TTC29: variants seen among roughly 807,000 people sequenced by gnomAD.
TTC29 encodes tetratricopeptide repeat protein 29.
TTC29 carries 49 observed loss-of-function variants against 58.1 expected under a neutral mutation model. That is an observed-to-expected ratio of 0.84 (90% confidence interval 0.67 to 1.07). The LOEUF (loss-of-function observed/expected upper bound fraction) is 1.07. TTC29 is among the 50% of genes least tolerant of loss of function. TTC29 has a pLI of 0.00. For synonymous variants in TTC29, 209 were observed against 196.8 expected (o/e 1.06, Z -0.52); for missense variants, 582 against 555.6 (o/e 1.05, Z -0.48).
At chr4:146,850,645 A>C (rs1235975941) in intron 8 of TTC29, among the ~76,000 whole-genome samples, 1 of 152,182 alleles carries the variant, frequency 6.6e-6, no homozygotes, top group Non-Finnish European at 1.5e-5. Flanking sequence ...GTATTTTCAA[A>C]ACCCATTTTG....
At chr4:146,921,135 C>A (rs1734551139) in intron 4 of TTC29, among the ~76,000 whole-genome samples, 1 of 151,340 alleles carries the variant, frequency 6.6e-6, no homozygotes, top group African/African-American at 2.4e-5. Context: ...AACAGTGAAG[C>A]CAGGAGTTTT....
At chr4:146,930,084 CATATAT>C (rs70958534) in intron 4 of TTC29, among the ~76,000 whole-genome samples, 1,112 of 77,424 alleles carry the variant, frequency 0.014, 35 homozygotes, top group African/African-American at 0.042. Flanking sequence ...TGTGTGTGTG[CATATAT>C]ATATATATAT....
intron 11 of TTC29, among the ~76,000 whole-genome samples, chr4:146,710,231 A>G (rs781657423): frequency 6.6e-6 from 1 of 152,158 alleles, no homozygotes; most frequent in Admixed American, 6.5e-5. Flanking sequence ...AGGCTATTAT[A>G]TACTATAGCG....
At chr4:146,842,406 G>T (rs142041589) in intron 8 of TTC29, among the ~76,000 whole-genome samples, 12 of 152,130 alleles carry the variant, frequency 7.9e-5, no homozygotes, top group African/African-American at 2.6e-4. Context: ...AATAGTGAAA[G>T]GTGGCTGTTT....
intron 11 of TTC29, among the ~76,000 whole-genome samples, chr4:146,792,749 T>C (rs2150104978): frequency 6.6e-6 from 1 of 152,344 alleles, no homozygotes; most frequent in African/African-American, 2.4e-5. Flanking sequence ...ATTCTTCTGA[T>C]GGATCTGGTA....
chr4:146,737,401 G>A (rs1316712032), intron 11 of TTC29, among the ~76,000 whole-genome samples: 2 of 152,116 alleles, frequency 1.3e-5, no homozygotes, highest in South Asian at 2.1e-4. Context: ...GGATATGGGG[G>A]CACTGCAGCA....
At chr4:146,855,732 C>A (rs975260710) in intron 8 of TTC29, among the ~76,000 whole-genome samples, 20 of 152,130 alleles carry the variant, frequency 1.3e-4, no homozygotes, top group African/African-American at 4.6e-4. Context: ...ACTAAAGACA[C>A]CTTTGAGAAT....
At chr4:146,910,918 G>A (rs1733854693) in intron 4 of TTC29, among the ~76,000 whole-genome samples, 1 of 152,152 alleles carries the variant, frequency 6.6e-6, no homozygotes, top group Non-Finnish European at 1.5e-5. Flanking sequence ...TATGGAGAAA[G>A]GCAGTGAGAT....
At chr4:146,920,931 A>G (rs936284406) in intron 4 of TTC29, among the ~76,000 whole-genome samples, 7 of 151,258 alleles carry the variant, frequency 4.6e-5, no homozygotes, top group African/African-American at 1.7e-4. Flanking sequence ...TTAAGTTTCT[A>G]TTATAGAAAT....
intron 11 of TTC29, among the ~76,000 whole-genome samples, chr4:146,801,722 A>G (rs1011252449): frequency 6.6e-6 from 1 of 152,116 alleles, no homozygotes; most frequent in Non-Finnish European, 1.5e-5. Context: ...CACGCCTGTA[A>G]TCCCAGCAGT....
chr4:146,755,685 T>G (rs1046274747), intron 11 of TTC29, among the ~76,000 whole-genome samples: 1 of 150,746 alleles, frequency 6.6e-6, no homozygotes, highest in Non-Finnish European at 1.5e-5. Flanking sequence ...TGATAGTAAC[T>G]TTTTTTAACT....
At chr4:146,865,487 A>G (rs960304469) in intron 8 of TTC29, among the ~76,000 whole-genome samples, 3 of 152,284 alleles carry the variant, frequency 2.0e-5, no homozygotes, top group Non-Finnish European at 4.4e-5. Context: ...TTGGGTACTC[A>G]TGGACATAAA....
intron 4 of TTC29, among the ~76,000 whole-genome samples, chr4:146,913,229 A>T (rs571816695): frequency 2.6e-4 from 40 of 152,280 alleles, no homozygotes; most frequent in African/African-American, 9.1e-4. Flanking sequence ...AATGAAGAAA[A>T]TTATAAATAG....
chr4:146,813,124 T>C (rs1196547720), intron 10 of TTC29: 1 of 152,264 alleles, frequency 6.6e-6, no homozygotes, highest in African/African-American at 2.4e-5. Flanking sequence ...ATGCATTATT[T>C]TGATTTTTAG....
At chr4:146,831,932 A>T (rs1049917437) in intron 9 of TTC29, 1 of 200,972 alleles carries the variant, frequency 5.0e-6, no homozygotes, top group African/African-American at 2.3e-5. Context: ...TTATTAATTA[A>T]TTTATTTATT....
At chr4:146,718,883 G>A (rs977612924) in intron 11 of TTC29, among the ~76,000 whole-genome samples, 2 of 152,082 alleles carry the variant, frequency 1.3e-5, no homozygotes, top group African/African-American at 2.4e-5. Context: ...TTGATTTTGC[G>A]TATGATGTGC....
chr4:146,912,265 A>G (rs1365761027), intron 4 of TTC29, among the ~76,000 whole-genome samples: 1 of 152,198 alleles, frequency 6.6e-6, no homozygotes, highest in Non-Finnish European at 1.5e-5. Context: ...TTGTTACCCC[A>G]GGGGGTTACC....
intron 9 of TTC29, among the ~76,000 whole-genome samples, chr4:146,821,991 T>A (rs1378584605): frequency 4.0e-5 from 6 of 151,040 alleles, no homozygotes; most frequent in African/African-American, 1.5e-4. Context: ...TAGTGTTTTT[T>A]TTTTTTTTTT....
At chr4:146,837,094 T>G (rs1036688867) in intron 8 of TTC29, among the ~76,000 whole-genome samples, 6 of 152,098 alleles carry the variant, frequency 3.9e-5, no homozygotes, top group African/African-American at 1.4e-4. Flanking sequence ...GGAATCAACC[T>G]AAATGCACAT....
Sources: allele counts gnomAD v4.1 joint callset (sites outside exome capture counted in the v4.1 genomes callset), GRCh38; gene constraint gnomAD v4.1.1; transcripts MANE v1.5; gene names NCBI Gene and HGNC (gene_info 2026-07-23, HGNC 2026-07-21).